NBAS: variants seen among roughly 807,000 people sequenced by gnomAD.
NBAS encodes the protein NBAS subunit of NRZ tethering complex, also known as NAG/BC035112 fusion.
A neutral mutation model predicts 302.5 loss-of-function variants in NBAS; 219 were observed. That is an observed-to-expected ratio of 0.72 (90% CI 0.65 to 0.81). NBAS has a LOEUF of 0.81. Among genes scored for constraint, NBAS ranks in the 30% least tolerant of loss-of-function variants. The pLI, the probability that NBAS is intolerant of heterozygous loss-of-function variation, is 0.00. For missense variants in NBAS, 2,932 were observed against 2,841.6 expected (o/e 1.03, Z -0.72); for synonymous variants, 1,118 against 1,021.6 (o/e 1.09, Z -1.80).
the NBAS span, among the ~76,000 whole-genome samples, chr2:15,000,684 G>T: frequency 2.0e-5 from 3 of 152,254 alleles, no homozygotes; most frequent in South Asian, 2.1e-4. Flanking sequence ...ATTTAATACC[G>T]AGAGGTGAAG....
chr2:15,274,657 A>C (rs1669485480), intron 44 of NBAS, among the ~76,000 whole-genome samples: 1 of 152,222 alleles, frequency 6.6e-6, no homozygotes, highest in Non-Finnish European at 1.5e-5. Flanking sequence ...GTGCAGTCAA[A>C]GGAGGCCAAA....
intron 48 of NBAS, among the ~76,000 whole-genome samples, chr2:15,194,419 A>C (rs1285720696): frequency 6.6e-6 from 1 of 152,186 alleles, no homozygotes; most frequent in Admixed American, 6.5e-5. Context: ...TGCTGAAAGA[A>C]AAGAACGGTT....
At chr2:14,783,464 T>A in the NBAS span, among the ~76,000 whole-genome samples, 17 of 97,454 alleles carry the variant, frequency 1.7e-4, no homozygotes, top group Non-Finnish European at 3.5e-4. Context: ...ATGCTATCCC[T>A]CCCCCCTCCC....
At chr2:15,362,195 G>C (rs1010811908) in intron 32 of NBAS, among the ~76,000 whole-genome samples, 1 of 146,346 alleles carries the variant, frequency 6.8e-6, no homozygotes, top group Non-Finnish European at 1.5e-5. Context: ...GAAGATTCTA[G>C]GGCCAGGCAC....
At chr2:14,961,259 T>G in the NBAS span, among the ~76,000 whole-genome samples, 12 of 152,144 alleles carry the variant, frequency 7.9e-5, no homozygotes, top group Admixed American at 6.5e-5. Flanking sequence ...TAATGTAGCT[T>G]GAACATTTGT....
the NBAS span, among the ~76,000 whole-genome samples, chr2:14,938,132 T>A: frequency 1.3e-3 from 190 of 151,396 alleles, no homozygotes; most frequent in African/African-American, 4.5e-3. Context: ...TCTCAAAAAA[T>A]AAAAAAAATT....
chr2:15,551,340 T>TA lies in NBAS; in HGVS notation c.379+152dup, dbSNP rs35998279. Among the ~76,000 whole-genome samples the TA allele has an allele frequency of 0.83, 119,174 of 143,204 alleles. 50,756 individuals are homozygous for TA. Among genetic ancestry groups the TA allele is most frequent in the South Asian group, 0.94 (4,242 of 4,532 alleles). The allele number at this position is 143,204 out of a possible 152,430, so 93.9% of individuals were successfully genotyped here. A position where few individuals can be genotyped will look rare whatever the true frequency, so the allele number is the denominator to read the frequency against. On this transcript the variant is annotated intron_variant, in intron 6 of 51. Transcript: ENST00000281513. ...TTTTAAAGCAAAATATTTAAGACAG[T>TA]AAAAAAAAAAAAAAGCAGTTTTTAA... is the stretch of plus-strand genomic sequence containing the variant.
chr2:14,915,239 A>G, the NBAS span, among the ~76,000 whole-genome samples: 2 of 152,258 alleles, frequency 1.3e-5, no homozygotes, highest in East Asian at 3.8e-4. Flanking sequence ...CCTTTATAAT[A>G]ACTGGGTCCT....
chr2:15,494,443 A>T (rs1680990051), intron 11 of NBAS, among the ~76,000 whole-genome samples: 1 of 152,202 alleles, frequency 6.6e-6, no homozygotes, highest in African/African-American at 2.4e-5. Flanking sequence ...CTAAATATAG[A>T]AGTTAGTATG....
At chr2:15,232,367 C>T in intron 47 of NBAS, 55 bp downstream of exon 47, 2 of 1,529,018 alleles carry the variant, frequency 1.3e-6, no homozygotes, top group Non-Finnish European at 9.0e-7. Context: ...AAGAGCAATT[C>T]TAATACTCTG....
At chr2:15,527,991 T>TA (rs144030734) in intron 9 of NBAS, among the ~76,000 whole-genome samples, 1 of 152,152 alleles carries the variant, frequency 6.6e-6, no homozygotes, top group East Asian at 1.9e-4. Flanking sequence ...AGCTGCCTCT[T>TA]ACCACTCCCA....
the NBAS span, among the ~76,000 whole-genome samples, chr2:15,053,104 G>A: frequency 6.6e-6 from 1 of 152,164 alleles, no homozygotes; most frequent in African/African-American, 2.4e-5. Flanking sequence ...GCTATAAAAT[G>A]TCAATAGTTT....
chr2:14,864,047 G>A, the NBAS span, among the ~76,000 whole-genome samples: 11 of 152,092 alleles, frequency 7.2e-5, no homozygotes, highest in Admixed American at 3.3e-4. Context: ...GGCCAGGCAC[G>A]GTGGCTCACG....
chr2:15,211,279 AT>A (rs1666398370), intron 48 of NBAS, among the ~76,000 whole-genome samples: 1 of 152,216 alleles, frequency 6.6e-6, no homozygotes. Flanking sequence ...AATTAAAAAA[AT>A]AAAAAGATAA....
intron 31 of NBAS, among the ~76,000 whole-genome samples, chr2:15,374,304 T>C (rs573785806): frequency 8.5e-5 from 13 of 152,232 alleles, no homozygotes; most frequent in Non-Finnish European, 1.3e-4. Context: ...TATATTCTCA[T>C]CCATAATCCC....
the NBAS span, among the ~76,000 whole-genome samples, chr2:15,056,322 T>C: frequency 6.8e-4 from 103 of 152,362 alleles, 1 homozygote; most frequent in East Asian, 0.011. Flanking sequence ...AAGACTGTCC[T>C]TCTCTACAGG....
intron 40 of NBAS, among the ~76,000 whole-genome samples, 169 bp downstream of exon 40, chr2:15,308,047 C>T (rs1211812248): frequency 6.6e-6 from 1 of 152,146 alleles, no homozygotes; most frequent in Non-Finnish European, 1.5e-5. Flanking sequence ...TTACTGATAC[C>T]TGGAGAAGCA....
At chr2:15,406,281 T>C (rs1379031731) in intron 25 of NBAS, among the ~76,000 whole-genome samples, 1 of 152,000 alleles carries the variant, frequency 6.6e-6, no homozygotes, top group Non-Finnish European at 1.5e-5. Context: ...CAGATGGAAA[T>C]TTAGGTATAT....
At chr2:15,396,313 A>G in intron 27 of NBAS, 100 bp downstream of exon 27, 6 of 937,990 alleles carry the variant, frequency 6.4e-6, no homozygotes, top group Non-Finnish European at 9.7e-6. Flanking sequence ...AAATGAGGTT[A>G]AAGTAGAAAC....
Sources: gnomAD v4.1 joint callset for allele counts (sites outside exome capture counted in the v4.1 genomes callset) on GRCh38, gnomAD v4.1.1 for gene constraint, MANE v1.5 for transcripts, NCBI Gene and HGNC (gene_info 2026-07-23, HGNC 2026-07-21) for gene names.